Variants in EEFSEC observed in about 807,000 individuals in gnomAD.
The protein encoded by EEFSEC is eukaryotic elongation factor, selenocysteine-tRNA specific.
A neutral mutation model predicts 42.1 loss-of-function variants in EEFSEC; 43 were observed. The ratio of observed to expected loss-of-function variants is 1.02; its 90% CI spans 0.80 to 1.32. The LOEUF is 1.32. Among genes scored for constraint, EEFSEC ranks in the 40% most tolerant of loss-of-function variants. EEFSEC has a pLI of 0.00. For synonymous variants in EEFSEC, 354 were observed against 339.1 expected (o/e 1.04, Z -0.48); for missense variants, 745 against 803.6 (o/e 0.93, Z 0.88).
chr3:128,309,819 C>T (rs1182418532), intron 4 of EEFSEC, among the ~76,000 whole-genome samples: 4 of 152,196 alleles, frequency 2.6e-5, no homozygotes, highest in Non-Finnish European at 5.9e-5. Context: ...CTGGACACAC[C>T]GATTCTTGGC....
rs546325123 is a variant in EEFSEC at position 128,168,787 on chromosome 3, CACTT to C, written c.316+14968_316+14971del. Among the ~76,000 whole-genome samples, 288 of 152,364 alleles carry C rather than the reference CACTT, an allele frequency of 1.9e-3. 1 individual carries two copies. Among genetic ancestry groups the C allele is most frequent in the African/African-American group, 5.7e-3 (236 of 41,586 alleles). ...CCAGGCATCTCCTTGCTGGTTCTGT[CACTT>C]ACTCTTTGCGACAGGTTGAGAGTTG... is the stretch of plus-strand genomic sequence containing the variant. On this transcript the variant is annotated intron_variant, in intron 1 of 6. Coordinates refer to ENST00000254730, the MANE Select transcript of EEFSEC (RefSeq NM_021937.5).
At chr3:128,414,065 T>A in the EEFSEC span, among the ~76,000 whole-genome samples, 2 of 152,242 alleles carry the variant, frequency 1.3e-5, no homozygotes, top group Non-Finnish European at 2.9e-5. Context: ...CATCACTTCC[T>A]CTGCCTCTCT....
chr3:128,331,735 A>G (rs2067135902), intron 4 of EEFSEC, among the ~76,000 whole-genome samples: 1 of 152,158 alleles, frequency 6.6e-6, no homozygotes, highest in Non-Finnish European at 1.5e-5. Context: ...GAAACTGCAC[A>G]CTAAGATAGC....
At chr3:128,176,790 G>T (rs893928468) in intron 1 of EEFSEC, among the ~76,000 whole-genome samples, 6 of 151,884 alleles carry the variant, frequency 4.0e-5, no homozygotes, top group African/African-American at 1.5e-4. Context: ...AGATCAGAAA[G>T]AACTATTTTA....
At position 128,359,503 on chromosome 3, in the gene EEFSEC, C is replaced by G. The variant is rs182212269; in HGVS notation, c.1600+1130C>G. Among the ~76,000 whole-genome samples the G allele has an allele frequency of 2.4e-4, 36 of 152,260 alleles. No individual in the cohort carries two copies. The East Asian group carries it at 6.9e-3, about 29-fold the overall frequency. ...TCAAACCATCCTCCTGCTTCAGCCT[C>G]CTGAATAGCTGGGACTCAGTTGTGT... is the stretch of plus-strand genomic sequence containing the variant. On this transcript the variant is annotated intron_variant, in intron 6 of 6. Coordinates refer to ENST00000254730, the MANE Select transcript of EEFSEC (RefSeq NM_021937.5).
intron 4 of EEFSEC, among the ~76,000 whole-genome samples, chr3:128,326,787 C>G (rs988037660): frequency 6.6e-6 from 1 of 152,156 alleles, no homozygotes. Flanking sequence ...ATCACACAAT[C>G]AATTCATGAA....
At chr3:128,259,820 G>C (rs2066279806) in intron 2 of EEFSEC, among the ~76,000 whole-genome samples, 1 of 152,122 alleles carries the variant, frequency 6.6e-6, no homozygotes, top group Non-Finnish European at 1.5e-5. Flanking sequence ...AGTATGTATT[G>C]ATGCTTCATG....
chr3:128,405,742 G>T (rs1407663135), intron 6 of EEFSEC, among the ~76,000 whole-genome samples: 1 of 152,258 alleles, frequency 6.6e-6, no homozygotes, highest in Non-Finnish European at 1.5e-5. Context: ...AATTCTTCAG[G>T]TGCCAGCAGG....
intron 1 of EEFSEC, among the ~76,000 whole-genome samples, chr3:128,220,424 G>A (rs1312221651): frequency 1.3e-5 from 2 of 152,156 alleles, no homozygotes; most frequent in Non-Finnish European, 1.5e-5. Flanking sequence ...AGACCATAAG[G>A]TGTCTTTACT....
In EEFSEC at chr3:128,153,492, A is replaced by AGGC. The variant is rs534678215; in HGVS notation, c.-3_-1dup. On this transcript the variant is annotated 5_prime_UTR_variant, in exon 1 of 7. Coordinates refer to ENST00000254730, the MANE Select transcript of EEFSEC (RefSeq NM_021937.5). Reference sequence around the variant, plus strand: ...GAGGGGCGGGCCGGGCGGGTGTCCGAGGCGGCGGCGGCGGCATGGCAGGGC... The same window carrying AGGC: ...GAGGGGCGGGCCGGGCGGGTGTCCGAGGCGGCGGCGGCGGCGGCATGGCAGGGC... 301 of 1,476,274 alleles carry AGGC rather than the reference A, an allele frequency of 2.0e-4. 3 individuals are homozygous for AGGC. In the South Asian group the frequency reaches 3.2e-3, roughly 16 times the overall value. 91.4% of individuals were successfully genotyped at this position (1,476,274 alleles called of 1,614,324 possible). A position where few individuals can be genotyped will look rare whatever the true frequency, so the allele number is the denominator to read the frequency against.
At chr3:128,251,713 T>C (rs184928862) in intron 2 of EEFSEC, among the ~76,000 whole-genome samples, 119 of 152,360 alleles carry the variant, frequency 7.8e-4, no homozygotes, top group African/African-American at 2.8e-3. Context: ...CCTTCTATCA[T>C]ATTTGCTACA....
At chr3:128,421,700 G>A in the EEFSEC span, among the ~76,000 whole-genome samples, 5 of 152,294 alleles carry the variant, frequency 3.3e-5, no homozygotes, top group East Asian at 9.7e-4. Flanking sequence ...GCATTCCTCC[G>A]GGCAGCCTGG....
At chr3:128,327,297 C>G (rs937632879) in intron 4 of EEFSEC, among the ~76,000 whole-genome samples, 17 of 149,978 alleles carry the variant, frequency 1.1e-4, no homozygotes, top group African/African-American at 3.4e-4. Flanking sequence ...CCCATCCCCC[C>G]CCCCCCAAGG....
chr3:128,425,079 A>C, the EEFSEC span, among the ~76,000 whole-genome samples: 1 of 152,138 alleles, frequency 6.6e-6, no homozygotes, highest in Admixed American at 6.5e-5. Context: ...CCCTTTAAAC[A>C]TGTAGCTCTG....
Position 128,358,223 on chromosome 3 carries a change from G to A in EEFSEC, c.1450G>A (p.Asp484Asn). 6.2e-7 allele frequency: 1 copy of A among 1,614,020 alleles called. No individual in the cohort carries two copies. Among genetic ancestry groups the A allele is most frequent in the Non-Finnish European group, 8.5e-7 (1 of 1,179,942 alleles). The change falls in exon 6 of 7, where the codon GAT becomes AAT. Residue 484 changes from aspartate to asparagine, a missense_variant. By Grantham distance (23) the Asp-to-Asn change is conservative. Transcript: ENST00000254730. ...HKHGLVERAM[D>N]DYSVIGRSLF... is the part of the protein sequence containing the mutation. ...GCTGGGTGTGTGGGGACAGGCGATGGATGACTACAGTGTGATCGGCCGCTC... is the reference window on the plus strand; with the variant it reads ...GCTGGGTGTGTGGGGACAGGCGATGAATGACTACAGTGTGATCGGCCGCTC...
At chr3:128,363,629 T>C (rs2067555193) in intron 6 of EEFSEC, among the ~76,000 whole-genome samples, 1 of 152,184 alleles carries the variant, frequency 6.6e-6, no homozygotes, top group Non-Finnish European at 1.5e-5. Context: ...TGGGCCATCC[T>C]GCACCCAATG....
chr3:128,304,948 C>T (rs2066810561), intron 4 of EEFSEC, among the ~76,000 whole-genome samples: 1 of 152,176 alleles, frequency 6.6e-6, no homozygotes, highest in Non-Finnish European at 1.5e-5. Flanking sequence ...AAGTGACCCA[C>T]CTGGCTTGAC....
At chr3:128,336,094 C>T (rs1217694577) in intron 4 of EEFSEC, among the ~76,000 whole-genome samples, 2 of 152,132 alleles carry the variant, frequency 1.3e-5, no homozygotes, top group Non-Finnish European at 2.9e-5. Context: ...TCTCTGGCAG[C>T]CTCAGAGACA....
chr3:128,423,666 C>T, the EEFSEC span, among the ~76,000 whole-genome samples: 1 of 152,132 alleles, frequency 6.6e-6, no homozygotes. Flanking sequence ...TTTGCCAAGG[C>T]CTGGGGGAGC....
Sources: gnomAD v4.1 joint callset for allele counts (sites outside exome capture counted in the v4.1 genomes callset) on GRCh38, gnomAD v4.1.1 for gene constraint, MANE v1.5 for transcripts, NCBI Gene and HGNC (gene_info 2026-07-23, HGNC 2026-07-21) for gene names.